The following ANOS1 variants were observed in gnomAD, a reference collection of about 807,000 sequenced individuals.
The protein encoded by ANOS1 is anosmin-1.
In ANOS1, 6 loss-of-function variants were observed where a neutral mutation model predicts 59.0. The observed-to-expected ratio is 0.10, with a 90% CI of 0.06 to 0.20. The LOEUF (loss-of-function observed/expected upper bound fraction) is 0.20, where lower values mean the gene tolerates loss of function less well. Among genes scored for constraint, ANOS1 ranks in the 10% least tolerant of loss-of-function variants. The pLI is 1.00. For synonymous variants in ANOS1, 217 were observed against 223.4 expected, an observed-to-expected ratio of 0.97 and a Z score of 0.25; for missense variants, 433 against 542.3, an observed-to-expected ratio of 0.80 and a Z score of 2.00.
intron 8 of ANOS1, chrX:8,566,133 A>G (rs940299783): frequency 1.3e-6 from 1 of 753,017 alleles, no homozygotes; most frequent in Non-Finnish European, 1.6e-6. Context: ...ACTCTTCAGG[A>G]CTTCATGAGG....
chrX:8,657,111 G>C (rs748653817), intron 2 of ANOS1, among the ~76,000 whole-genome samples: 95 of 112,693 alleles, frequency 8.4e-4, no homozygotes, highest in Non-Finnish European at 1.6e-3. Context: ...GTCATGGCTC[G>C]ATCAATCATG....
intron 9 of ANOS1, among the ~76,000 whole-genome samples, chrX:8,545,977 A>G: frequency 8.9e-6 from 1 of 112,412 alleles, no homozygotes; most frequent in Non-Finnish European, 1.9e-5. Flanking sequence ...AGGAGTTTGA[A>G]ACCACTTTAG....
chrX:8,697,003 T>A (rs1035290123), intron 2 of ANOS1, among the ~76,000 whole-genome samples: 2 of 112,290 alleles, frequency 1.8e-5, no homozygotes, highest in Admixed American at 1.9e-4. Flanking sequence ...CGAAGTCAGA[T>A]GAAGCACAGA....
intron 9 of ANOS1, among the ~76,000 whole-genome samples, chrX:8,543,052 C>T (rs1159306548): frequency 9.2e-6 from 1 of 108,544 alleles, no homozygotes; most frequent in African/African-American, 3.4e-5. Context: ...AGCTCCATAA[C>T]TATAAAGATA....
chrX:8,685,922 C>A (rs767975670), intron 2 of ANOS1, among the ~76,000 whole-genome samples: 5 of 111,934 alleles, frequency 4.5e-5, no homozygotes, highest in Non-Finnish European at 7.5e-5. Flanking sequence ...TCTGTGAAGG[C>A]AGGGCCAAAC....
intron 8 of ANOS1, chrX:8,566,109 C>T: frequency 1.3e-6 from 1 of 754,285 alleles, no homozygotes; most frequent in Non-Finnish European, 1.6e-6. Flanking sequence ...TCCTTGTGGG[C>T]CTGCAGATCG....
At chrX:8,580,469 GA>G (rs1930402839) in intron 6 of ANOS1, among the ~76,000 whole-genome samples, 1 of 111,713 alleles carries the variant, frequency 9.0e-6, no homozygotes, top group South Asian at 3.7e-4. Flanking sequence ...CCAGGAAAAG[GA>G]AAAGCATGAA....
intron 2 of ANOS1, among the ~76,000 whole-genome samples, chrX:8,681,302 C>T (rs889380449): frequency 8.9e-6 from 1 of 112,202 alleles, no homozygotes; most frequent in African/African-American, 3.2e-5. Flanking sequence ...TAACAGAACC[C>T]TGCAAGGGTA....
At chrX:8,696,685 T>C (rs955244980) in intron 2 of ANOS1, among the ~76,000 whole-genome samples, 11 of 112,865 alleles carry the variant, frequency 9.7e-5, no homozygotes, top group African/African-American at 3.5e-4. Context: ...TCAGCATTAC[T>C]AATATTTGGA....
intron 6 of ANOS1, among the ~76,000 whole-genome samples, chrX:8,570,941 G>C (rs968802318): frequency 9.1e-6 from 1 of 109,498 alleles, no homozygotes; most frequent in Non-Finnish European, 1.9e-5. Context: ...GTGAAACCCT[G>C]TCTCTACAAA....
At chrX:8,600,179 TA>T (rs1220380122) in intron 3 of ANOS1, among the ~76,000 whole-genome samples, 1 of 112,399 alleles carries the variant, frequency 8.9e-6, no homozygotes, top group South Asian at 3.7e-4. Context: ...ACCACAATTT[TA>T]AAAAAACACT....
intron 2 of ANOS1, among the ~76,000 whole-genome samples, chrX:8,672,160 G>A (rs1460757470): frequency 1.5e-4 from 16 of 106,479 alleles, no homozygotes; most frequent in African/African-American, 5.4e-4. Flanking sequence ...ATACACACAT[G>A]CACATACACA....
intron 3 of ANOS1, 33 bp from the exon 4 acceptor site, chrX:8,597,289 A>T (rs1422956746): frequency 1.9e-5 from 21 of 1,107,712 alleles, no homozygotes; most frequent in Non-Finnish European, 2.6e-5. Flanking sequence ...AAAATATTCC[A>T]TTAAAGACAC....
chrX:8,717,269 C>T (rs2146909156), intron 1 of ANOS1, among the ~76,000 whole-genome samples: 1 of 112,063 alleles, frequency 8.9e-6, no homozygotes, highest in African/African-American at 3.2e-5. Context: ...GCAAATCTTG[C>T]CCTATTAAAA....
rs145622891 is a variant in ANOS1 at position 8,610,961 on chromosome X, C to T, written c.318+12647G>A. ...CAGTGTGCAAAGAAGCAGGAAATTG[C>T]GGCACATAAAATGGGAAAAAAGGGA... On this transcript the variant is annotated intron_variant, in intron 3 of 13. Coordinates refer to ENST00000262648, the MANE Select transcript of ANOS1 (RefSeq NM_000216.4). Among the ~76,000 whole-genome samples the T allele has an allele frequency of 2.6e-3, 283 of 110,898 alleles. 1 individual carries two copies. Among genetic ancestry groups the T allele is most frequent in the African/African-American group, 8.6e-3 (262 of 30,540 alleles).
chrX:8,617,332 TAA>T (rs947138320), intron 3 of ANOS1, among the ~76,000 whole-genome samples: 3 of 112,271 alleles, frequency 2.7e-5, no homozygotes, highest in Non-Finnish European at 5.6e-5. Flanking sequence ...AGCGAAGAGA[TAA>T]AAAGTTTTGA....
intron 2 of ANOS1, among the ~76,000 whole-genome samples, chrX:8,670,153 T>C (rs1932232266): frequency 9.1e-6 from 1 of 109,917 alleles, no homozygotes; most frequent in African/African-American, 3.3e-5. Context: ...AAAAAAAAAA[T>C]TCAGGAGTGG....
chrX:8,610,033 A>AAAAAAAAAAAAAAAAAAAC (rs1287806402), intron 3 of ANOS1, among the ~76,000 whole-genome samples: 2 of 82,702 alleles, frequency 2.4e-5, no homozygotes, highest in African/African-American at 9.8e-5. Flanking sequence ...AAAAAAAAAA[A>AAAAAAAAAAAAAAAAAAAC]AACAACAACC....
intron 6 of ANOS1, among the ~76,000 whole-genome samples, chrX:8,578,633 A>G (rs1930371086): frequency 8.9e-6 from 1 of 112,246 alleles, no homozygotes; most frequent in African/African-American, 3.2e-5. Flanking sequence ...TCCTATGCAC[A>G]TGGAGAAATA....
Sources: gnomAD v4.1 joint callset for allele counts (sites outside exome capture counted in the v4.1 genomes callset) on GRCh38, gnomAD v4.1.1 for gene constraint, MANE v1.5 for transcripts, NCBI Gene and HGNC (gene_info 2026-07-23, HGNC 2026-07-21) for gene names.